ANGPT2: variants seen among roughly 807,000 people sequenced by gnomAD.
ANGPT2 encodes the protein angiopoietin 2.
Under a neutral mutation model 62.9 loss-of-function variants are expected in ANGPT2, and 28 were observed. The observed-to-expected ratio is 0.44, with a 90% confidence interval of 0.33 to 0.61. ANGPT2 has a LOEUF of 0.61. ANGPT2 is among the 20% of genes least tolerant of loss of function. The pLI, the probability that ANGPT2 is intolerant of heterozygous loss-of-function variation, is 0.03. For missense variants in ANGPT2, 727 were observed against 594.9 expected, an observed-to-expected ratio of 1.22 and a Z score of -2.31; for synonymous variants, 284 against 207.8, an observed-to-expected ratio of 1.37 and a Z score of -3.15.
intron 1 of ANGPT2, among the ~76,000 whole-genome samples, chr8:6,542,098 G>T (rs1412685024): frequency 6.6e-6 from 1 of 151,872 alleles, no homozygotes; most frequent in East Asian, 1.9e-4. Flanking sequence ...ATGCATTTAG[G>T]CTACAATATA....
Position 6,500,530 on chromosome 8 carries a change from A to C in ANGPT2, c.*2571T>G, listed in dbSNP as rs924598582. The stretch of plus-strand genomic sequence containing the variant: ...TCAAAAGATTAATAGCTGAAAGATA[A>C]ATGGTGATTTTTATCTGCCACTGGT... On this transcript the variant is annotated 3_prime_UTR_variant, in exon 9 of 9. Coordinates refer to ENST00000629816, the MANE Select transcript of ANGPT2 (RefSeq NM_001118887.2). 3.2e-5 allele frequency: 5 copies of C among 153,874 alleles called. No homozygotes were observed. Among genetic ancestry groups the C allele is most frequent in the African/African-American group, 1.2e-4 (5 of 41,456 alleles). The allele number at this position is 153,874 out of a possible 1,614,324, so 9.5% of individuals were successfully genotyped here. A position where few individuals can be genotyped will look rare whatever the true frequency, so the allele number is the denominator to read the frequency against.
intron 4 of ANGPT2, among the ~76,000 whole-genome samples, chr8:6,520,225 T>G (rs1280844783): frequency 1.3e-5 from 2 of 152,226 alleles, no homozygotes; most frequent in Non-Finnish European, 2.9e-5. Context: ...TTAAAATACT[T>G]CAAATAATCC....
intron 8 of ANGPT2, among the ~76,000 whole-genome samples, chr8:6,504,364 C>CGTTCT (rs893290404): frequency 2.0e-5 from 3 of 151,540 alleles, no homozygotes; most frequent in African/African-American, 7.3e-5. Flanking sequence ...AATTGCATGC[C>CGTTCT]GTTCTGAGTA....
chr8:6,559,574 A>G (rs561032714), intron 1 of ANGPT2, among the ~76,000 whole-genome samples: 25 of 152,332 alleles, frequency 1.6e-4, no homozygotes, highest in Non-Finnish European at 3.4e-4. Context: ...TTATTTTTCA[A>G]ATCATTCTGT....
chr8:6,537,585 T>G (rs1280364594), intron 1 of ANGPT2, among the ~76,000 whole-genome samples: 3 of 151,670 alleles, frequency 2.0e-5, no homozygotes, highest in Non-Finnish European at 2.9e-5. Flanking sequence ...TATATATATT[T>G]TAGTGCAAAA....
chr8:6,533,685 G>C (rs1586438132), intron 1 of ANGPT2, among the ~76,000 whole-genome samples: 1 of 145,774 alleles, frequency 6.9e-6, no homozygotes, highest in Non-Finnish European at 1.5e-5. Flanking sequence ...TTTTCACATA[G>C]TGTAACAAAC....
In ANGPT2 at chr8:6,503,211, G is replaced by A; in HGVS notation, c.1378C>T (p.Pro460Ser). 1 of 1,614,136 alleles carries A rather than the reference G, an allele frequency of 6.2e-7. No homozygotes were observed. The highest frequency in any genetic ancestry group is 1.1e-5 in the South Asian group (1 of 91,072). Residue 460 changes from proline (P) to serine (S), a missense_variant, in exon 9 of 9, where the codon CCA becomes TCA. Coordinates refer to ENST00000629816, the MANE Select transcript of ANGPT2 (RefSeq NM_001118887.2). ...AACTTATTTGTGTTCTGCCTCTGTG[G>A]ATAGTACATTCCGTTCAAGTTGGAA... ...GPSNLNGMYY[P>S]QRQNTNKFNG...
At chr8:6,527,897 C>CTCTTTTTTTTTTTTT (rs1343936237) in intron 2 of ANGPT2, among the ~76,000 whole-genome samples, 1 of 105,956 alleles carries the variant, frequency 9.4e-6, no homozygotes, top group African/African-American at 3.1e-5. Flanking sequence ...CCCCACGTCT[C>CTCTTTTTTTTTTTTT]TATTTTTTTT....
intron 1 of ANGPT2, among the ~76,000 whole-genome samples, chr8:6,541,387 C>A (rs1252066900): frequency 3.9e-5 from 6 of 152,124 alleles, no homozygotes; most frequent in Admixed American, 3.9e-4. Flanking sequence ...TATTTATAGC[C>A]CCCAGTCAGC....
rs1811862023 is a variant in ANGPT2, at chr8:6,500,122, G to T, written c.*2979C>A. On this transcript the variant is annotated 3_prime_UTR_variant, in exon 9 of 9. Coordinates refer to ENST00000629816, the MANE Select transcript of ANGPT2 (RefSeq NM_001118887.2). ...AAATGTGAGAACGTGAGACCATTGTGCAAAAAGTAGTGAGGAATGCAGTCC... is the reference window on the plus strand; with the variant it reads ...AAATGTGAGAACGTGAGACCATTGTTCAAAAAGTAGTGAGGAATGCAGTCC... 3.4e-6 allele frequency: 2 copies of T among 589,602 alleles called. No homozygotes were observed. The highest frequency in any genetic ancestry group is 5.9e-5 in the East Asian group (2 of 33,948). 36.5% of individuals were successfully genotyped at this position (589,602 alleles called of 1,614,324 possible).
intron 1 of ANGPT2, among the ~76,000 whole-genome samples, chr8:6,559,987 T>G (rs1825271151): frequency 6.6e-6 from 1 of 152,242 alleles, no homozygotes; most frequent in Non-Finnish European, 1.5e-5. Context: ...AGGGGCAGCG[T>G]GGGACCTTTT....
intron 5 of ANGPT2, among the ~76,000 whole-genome samples, chr8:6,519,140 G>A (rs142068268): frequency 3.0e-4 from 45 of 152,274 alleles, no homozygotes; most frequent in African/African-American, 9.9e-4. Context: ...GGTGTGTTTC[G>A]AGTCTTCCAG....
chr8:6,543,009 C>G (rs1236275979), intron 1 of ANGPT2, among the ~76,000 whole-genome samples: 4 of 152,118 alleles, frequency 2.6e-5, no homozygotes, highest in Non-Finnish European at 4.4e-5. Context: ...GAGGAGCGGA[C>G]TTGGGAATGC....
At chr8:6,530,477 C>G (rs1442635594) in intron 2 of ANGPT2, among the ~76,000 whole-genome samples, 3 of 146,582 alleles carry the variant, frequency 2.0e-5, no homozygotes, top group African/African-American at 7.6e-5. Flanking sequence ...CCACTGCACT[C>G]CAACCTGGGC....
intron 1 of ANGPT2, 105 bp from the exon 2 acceptor site, chr8:6,532,592 AT>A (rs1454271965): frequency 1.7e-5 from 14 of 806,082 alleles, no homozygotes; most frequent in South Asian, 3.4e-5. Context: ...AAAAAAAAAA[AT>A]CTATCAAAAG....
chr8:6,541,097 G>A (rs1267803630), intron 1 of ANGPT2, among the ~76,000 whole-genome samples: 1 of 152,230 alleles, frequency 6.6e-6, no homozygotes, highest in East Asian at 1.9e-4. Flanking sequence ...TGGCCTGGGG[G>A]TTTGTGGGAA....
Position 6,509,055 on chromosome 8 carries a change from G to C in ANGPT2, c.1204C>G (p.Leu402Val), listed in dbSNP as rs144041444. The change falls in exon 8 of 9, where the codon CTT becomes GTT. Residue 402 changes from leucine to valine, a missense_variant. By Grantham distance (32) the Leu-to-Val change is conservative (BLOSUM62 1). Transcript: ENST00000629816. ...CCGGCTGTCCCTGTAAGTCCTTTAA[G>C]GTGAATCCTGTAAGCGTGCAAAGAA... is the stretch of plus-strand genomic sequence containing the variant. Reference protein sequence around the residue: ...SSEELNYRIHLKGLTGTAGKI... With the variant: ...SSEELNYRIHVKGLTGTAGKI... The C allele has an allele frequency of 5.6e-5, 90 of 1,613,752 alleles. No individual in the cohort carries two copies. Among genetic ancestry groups the C allele is most frequent in the Non-Finnish European group, 7.1e-5 (84 of 1,179,906 alleles).
intron 8 of ANGPT2, among the ~76,000 whole-genome samples, chr8:6,504,445 C>T (rs1417931712): frequency 1.3e-5 from 2 of 152,116 alleles, no homozygotes; most frequent in East Asian, 1.9e-4. Context: ...TCCAGTGGAT[C>T]CACGCTGTCT....
intron 5 of ANGPT2, among the ~76,000 whole-genome samples, chr8:6,518,266 C>T (rs182923513): frequency 4.6e-5 from 7 of 152,296 alleles, no homozygotes; most frequent in Admixed American, 1.3e-4. Flanking sequence ...GCCAAGAACA[C>T]GCCAACATCT....
Sources: gnomAD v4.1 joint callset for allele counts (sites outside exome capture counted in the v4.1 genomes callset) on GRCh38, gnomAD v4.1.1 for gene constraint, MANE v1.5 for transcripts, NCBI Gene and HGNC (gene_info 2026-07-23, HGNC 2026-07-21) for gene names.